Variants in CBY1 observed in about 807,000 individuals in gnomAD.
CBY1 encodes the protein chibby 1, beta catenin antagonist, also known as protein chibby homolog 1.
A neutral mutation model predicts 15.6 loss-of-function variants in CBY1; 10 were observed. That is an observed-to-expected ratio of 0.64 (90% CI 0.40 to 1.09). The LOEUF (loss-of-function observed/expected upper bound fraction) is 1.09. Among genes scored for constraint, CBY1 ranks in the 50% least tolerant of loss-of-function variants. The pLI, the probability that CBY1 is intolerant of heterozygous loss-of-function variation, is 0.01. For missense variants in CBY1, 150 were observed against 160.5 expected, an observed-to-expected ratio of 0.93 and a Z score of 0.35; for synonymous variants, 61 against 63.5, an observed-to-expected ratio of 0.96 and a Z score of 0.19.
intron 1 of CBY1, among the ~76,000 whole-genome samples, chr22:38,658,162 G>T (rs1214393790): frequency 2.0e-5 from 3 of 150,670 alleles, no homozygotes; most frequent in Non-Finnish European, 4.4e-5. Flanking sequence ...GTCTTGTTCT[G>T]TCACCCAGGC....
At chr22:38,664,493 A>C (rs533034766) in intron 1 of CBY1, among the ~76,000 whole-genome samples, 1 of 152,044 alleles carries the variant, frequency 6.6e-6, no homozygotes, top group African/African-American at 2.4e-5. Context: ...AAAAAGCAAA[A>C]TACATGAATA....
chr22:38,667,715 A>G (rs1047237479), intron 1 of CBY1: 3 of 288,492 alleles, frequency 1.0e-5, no homozygotes, highest in South Asian at 5.3e-5. Context: ...CAAGTGCATG[A>G]GACAGACAGC....
chr22:38,669,940 C>T (rs1489934341), intron 2 of CBY1: 2 of 151,162 alleles, frequency 1.3e-5, no homozygotes, highest in African/African-American at 4.9e-5. Context: ...TTAAAAAATA[C>T]AAAAATTAGG....
chr22:38,668,868 A>G (rs2092444563), intron 2 of CBY1: 1 of 152,406 alleles, frequency 6.6e-6, no homozygotes, highest in Non-Finnish European at 1.5e-5. Context: ...GGGCAGCCCC[A>G]CTGTGGCCAG....
Position 38,668,029 on chromosome 22 carries a change from C to T in CBY1, c.-26C>T. 1.2e-6 allele frequency: 2 copies of T among 1,610,980 alleles called. No homozygotes were observed. Among genetic ancestry groups the T allele is most frequent in the Non-Finnish European group, 1.7e-6 (2 of 1,177,302 alleles). ...TTTCTGACCCTAGGAGAAGGGAGCA[C>T]TGGCTTTGCTTTCATCAGGCCAAAG... On this transcript the variant is annotated 5_prime_UTR_variant, in exon 2 of 5. Transcript: ENST00000216029.
chr22:38,657,132 C>G lies in CBY1; in HGVS notation c.-39+382C>G, dbSNP rs1338227225. 4 of 982,442 alleles carry G rather than the reference C, an allele frequency of 4.1e-6. No homozygotes were observed. In the African/African-American group the frequency reaches 7.0e-5, roughly 17 times the overall value. The allele number at this position is 982,442 out of a possible 1,614,324, so 60.9% of individuals were successfully genotyped here. ...AAACCAGAGATTCCGCCCTTGTTTT[C>G]TTAGAATTAAAGTAAGATAATATAT... On this transcript the variant is annotated intron_variant, in intron 1 of 4. Transcript: ENST00000216029.
In CBY1 at chr22:38,668,129, T is replaced by G; in HGVS notation, c.75T>G (p.His25Gln). The G allele has an allele frequency of 6.3e-7, 1 of 1,590,816 alleles. No individual in the cohort carries two copies. The highest frequency in any genetic ancestry group is 8.6e-7 in the Non-Finnish European group (1 of 1,158,872). ...AGTCGGCATCTCTCTCCAACCTGCA[T>G]TCTGTGAGTGTCGGTACTGGGGTCG... ...PRKSASLSNLHSLDRSTREVE... is the reference protein window; with the variant it reads ...PRKSASLSNLQSLDRSTREVE... The change falls in exon 2 of 5, where the codon CAT becomes CAG. Residue 25 changes from histidine to glutamine, a missense_variant. His to Gln is a conservative substitution (Grantham distance 24). Transcript: ENST00000216029.
intron 1 of CBY1, among the ~76,000 whole-genome samples, chr22:38,657,494 G>A (rs1312492961): frequency 1.3e-5 from 2 of 152,232 alleles, no homozygotes; most frequent in Admixed American, 1.3e-4. Context: ...TAGAAAGAAG[G>A]TTGCCATGGG....
intron 1 of CBY1, chr22:38,666,640 G>A (rs1016745242): frequency 2.0e-5 from 3 of 152,160 alleles, no homozygotes; most frequent in African/African-American, 7.2e-5. Flanking sequence ...GGTGACAAGT[G>A]AGGAGCACTG....
chr22:38,658,345 C>T (rs1334509031), intron 1 of CBY1, among the ~76,000 whole-genome samples: 8 of 152,036 alleles, frequency 5.3e-5, no homozygotes, highest in Non-Finnish European at 7.4e-5. Flanking sequence ...AGGATAGTCT[C>T]GATCTCTTGA....
At position 38,673,266 on chromosome 22, in the gene CBY1, G is replaced by T. The variant is rs1344626544; in HGVS notation, c.*30G>T. 2.0e-6 allele frequency: 3 copies of T among 1,487,322 alleles called. No individual in the cohort carries two copies. The highest frequency in any genetic ancestry group is 2.8e-6 in the Non-Finnish European group (3 of 1,065,196). 92.1% of individuals were successfully genotyped at this position (1,487,322 alleles called of 1,614,324 possible). ...CCCAGAGACATTTATTGGGGAGTAG[G>T]ATGTGGCTGAGTGCTTTTTTTTTGG... On this transcript the variant is annotated 3_prime_UTR_variant, in exon 5 of 5. Transcript: ENST00000216029.
chr22:38,671,135 T>C lies in CBY1; in HGVS notation c.250T>C (p.Leu84=). 6.2e-7 allele frequency: 1 copy of C among 1,614,174 alleles called. No individual in the cohort carries two copies. Among genetic ancestry groups the C allele is most frequent in the Non-Finnish European group, 8.5e-7 (1 of 1,180,012 alleles). ...VQRLRRRNQQ[L]EEENNLLRLK... ...GCGCCTTCGCAGGCGGAACCAGCAG[T>C]TGGAGGAAGAGAACAATCTCTTGCG... Residue 84 remains leucine (L), a synonymous_variant, in exon 4 of 5, where the codon TTG becomes CTG. Coordinates refer to ENST00000216029, the MANE Select transcript of CBY1 (RefSeq NM_015373.4).
At chr22:38,663,116 T>C (rs1271372969) in intron 1 of CBY1, among the ~76,000 whole-genome samples, 1 of 151,802 alleles carries the variant, frequency 6.6e-6, no homozygotes. Flanking sequence ...TAAGACTTGA[T>C]CTCAAAATAA....
intron 2 of CBY1, chr22:38,669,856 C>T (rs768030345): frequency 3.3e-4 from 50 of 152,224 alleles, no homozygotes; most frequent in Non-Finnish European, 1.5e-4. Flanking sequence ...CTTTAGGAGG[C>T]TGAGGTGGGC....
chr22:38,662,256 C>T (rs1375087743), intron 1 of CBY1, among the ~76,000 whole-genome samples: 1 of 150,792 alleles, frequency 6.6e-6, no homozygotes, highest in Non-Finnish European at 1.5e-5. Context: ...GAGCCGAGAT[C>T]ACGCCACTGC....
At position 38,673,278 on chromosome 22, in the gene CBY1, T is replaced by C; in HGVS notation, c.*42T>C. The C allele has an allele frequency of 4.3e-6, 6 of 1,405,046 alleles. No homozygotes were observed. Among genetic ancestry groups the C allele is most frequent in the Non-Finnish European group, 5.0e-6 (5 of 991,610 alleles). The allele number at this position is 1,405,046 out of a possible 1,614,324, so 87.0% of individuals were successfully genotyped here. A position where few individuals can be genotyped will look rare whatever the true frequency, so the allele number is the denominator to read the frequency against. ...TATTGGGGAGTAGGATGTGGCTGAGTGCTTTTTTTTTGGCCAGACTAGCGG... is the reference window on the plus strand; with the variant it reads ...TATTGGGGAGTAGGATGTGGCTGAGCGCTTTTTTTTTGGCCAGACTAGCGG... On this transcript the variant is annotated 3_prime_UTR_variant, in exon 5 of 5. Transcript: ENST00000216029.
At position 38,673,699 on chromosome 22, in the gene CBY1, CTT is replaced by C. The variant is rs2092459664; in HGVS notation, c.*464_*465del. On this transcript the variant is annotated 3_prime_UTR_variant, in exon 5 of 5. Transcript: ENST00000216029. ...TTGGCTCTTAAAGGCAGGCCTCTCT[CTT>C]CTTGCCTTTAAAGAATCCTCCTTCC... 1 of 155,416 alleles carries C rather than the reference CTT, an allele frequency of 6.4e-6. No individual in the cohort carries two copies. Among genetic ancestry groups the C allele is most frequent in the Admixed American group, 6.3e-5 (1 of 15,960 alleles). The allele number at this position is 155,416 out of a possible 1,614,324, so 9.6% of individuals were successfully genotyped here. A position where few individuals can be genotyped will look rare whatever the true frequency, so the allele number is the denominator to read the frequency against.
At position 38,666,617 on chromosome 22, in the gene CBY1, G is replaced by A. The variant is rs182958250; in HGVS notation, c.-38-1400G>A. Reference sequence around the variant, plus strand: ...AACGTGACATATGAGGTGCACTGTTGACAAGTGACACTGGTGACAAGTGAG... The same window carrying A: ...AACGTGACATATGAGGTGCACTGTTAACAAGTGACACTGGTGACAAGTGAG... On this transcript the variant is annotated intron_variant, in intron 1 of 4. Transcript: ENST00000216029. 266 of 152,242 alleles carry A rather than the reference G, an allele frequency of 1.7e-3. 1 individual carries two copies. Among genetic ancestry groups the A allele is most frequent in the African/African-American group, 6.1e-3 (255 of 41,548 alleles). The allele number at this position is 152,242 out of a possible 1,614,324, so 9.4% of individuals were successfully genotyped here.
chr22:38,657,081 C>T (rs2145773713), intron 1 of CBY1: 1 of 977,892 alleles, frequency 1.0e-6, no homozygotes, highest in Non-Finnish European at 1.2e-6. Flanking sequence ...CCTTGGGGGA[C>T]ACGTATATCT....
Sources: gnomAD v4.1 joint callset for allele counts (sites outside exome capture counted in the v4.1 genomes callset) on GRCh38, gnomAD v4.1.1 for gene constraint, MANE v1.5 for transcripts, NCBI Gene and HGNC (gene_info 2026-07-23, HGNC 2026-07-21) for gene names.